NID2: variants seen among roughly 807,000 people sequenced by gnomAD.
NID2 encodes nidogen-2.
A neutral mutation model predicts 145.4 loss-of-function variants in NID2; 83 were observed. That is an observed-to-expected ratio of 0.57 (90% confidence interval 0.48 to 0.69). The LOEUF (loss-of-function observed/expected upper bound fraction) is 0.69, where lower values mean the gene tolerates loss of function less well. Ranked by LOEUF, NID2 falls within the 30% of genes least tolerant of loss-of-function variation. NID2 has a pLI of 0.00. For missense variants in NID2, 1,807 were observed against 1,765.7 expected (o/e 1.02, Z -0.42); for synonymous variants, 739 against 701.3 (o/e 1.05, Z -0.85).
Position 52,054,264 on chromosome 14 carries a change from C to G in NID2, c.825G>C (p.Pro275=). 6.2e-7 allele frequency: 1 copy of G among 1,614,124 alleles called. No individual in the cohort carries two copies. Among genetic ancestry groups the G allele is most frequent in the Non-Finnish European group, 8.5e-7 (1 of 1,180,010 alleles). Residue 275 remains proline, a synonymous_variant, in exon 4 of 22, where the codon CCG becomes CCC. Coordinates refer to ENST00000216286, the MANE Select transcript of NID2 (RefSeq NM_007361.4). The part of the protein sequence containing the change: ...VWAFHIGSTS[P]LDNVRPAAVG... ...CTGCAGCTGGCCTGACATTGTCCAA[C>G]GGGGAAGTGCTGCCGATATGGAAAG... is the stretch of plus-strand genomic sequence containing the variant.
At position 52,037,190 on chromosome 14, in the gene NID2, A is replaced by G. The variant is rs576478919; in HGVS notation, c.2257+1557T>C. Among the ~76,000 whole-genome samples the G allele has an allele frequency of 3.0e-4, 46 of 152,322 alleles. 1 individual carries two copies. Among genetic ancestry groups the G allele is most frequent in the African/African-American group, 1.0e-3 (42 of 41,572 alleles). ...TTCATTCTTTTGTATGTGGTCACTC[A>G]GTGGTCCCAGCACCATAGTTAACAA... On this transcript the variant is annotated intron_variant, in intron 9 of 21. Transcript: ENST00000216286.
chr14:52,012,499 G>A (rs528072872), intron 16 of NID2, among the ~76,000 whole-genome samples: 8 of 152,164 alleles, frequency 5.3e-5, no homozygotes, highest in South Asian at 4.1e-4. Context: ...TCAGGAGACC[G>A]AGTTGGGAGG....
chr14:52,031,168 T>C lies in NID2; in HGVS notation c.2258-1478A>G, dbSNP rs116007051. On this transcript the variant is annotated intron_variant, in intron 9 of 21. Coordinates refer to ENST00000216286, the MANE Select transcript of NID2 (RefSeq NM_007361.4). Reference sequence around the variant, plus strand: ...AGTCTAAGCCAATGGCACAGAGGTATTGGAAGGAGTGTCAGATGCTCAGGT... The same window carrying C: ...AGTCTAAGCCAATGGCACAGAGGTACTGGAAGGAGTGTCAGATGCTCAGGT... 8.8e-3 allele frequency among the ~76,000 whole-genome samples: 1,342 copies of C among 152,284 alleles called. 18 individuals are homozygous for C. Among genetic ancestry groups the C allele is most frequent in the African/African-American group, 0.031 (1,284 of 41,564 alleles).
chr14:52,028,905 G>C, intron 10 of NID2, 55 bp from the exon 11 acceptor site: 1 of 1,590,040 alleles, frequency 6.3e-7, no homozygotes, highest in Admixed American at 1.7e-5. Flanking sequence ...CCCAGAAGTG[G>C]AGGGTCTAAA....
chr14:52,023,680 A>G lies in NID2; in HGVS notation c.2675-3502T>C, dbSNP rs1362405805. 2.0e-5 allele frequency among the ~76,000 whole-genome samples: 3 copies of G among 152,040 alleles called. No homozygotes were observed. In the East Asian group the frequency reaches 5.8e-4, roughly 29 times the overall value. On this transcript the variant is annotated intron_variant, in intron 12 of 21. Transcript: ENST00000216286. Reference sequence around the variant, plus strand: ...GCACCTGGCCAAGTCACAACAATCCAAAAGGACAAACATGTCTGAGAAATA... The same window carrying G: ...GCACCTGGCCAAGTCACAACAATCCGAAAGGACAAACATGTCTGAGAAATA...
intron 8 of NID2, among the ~76,000 whole-genome samples, chr14:52,039,982 C>T (rs1411493872): frequency 1.3e-5 from 2 of 152,042 alleles, no homozygotes; most frequent in South Asian, 2.1e-4. Flanking sequence ...GCTTTGTCGC[C>T]CAGGCTGGAG....
At position 52,011,626 on chromosome 14, in the gene NID2, C is replaced by A. The variant is rs1372268539; in HGVS notation, c.3478G>T (p.Asp1160Tyr). The change falls in exon 17 of 22, where the codon GAT (aspartate) becomes TAT (tyrosine). Residue 1160 changes from aspartate (D) to tyrosine (Y), a missense_variant. By Grantham distance (160) the Asp-to-Tyr change is radical. Coordinates refer to ENST00000216286, the MANE Select transcript of NID2 (RefSeq NM_007361.4). Reference sequence around the variant, plus strand: ...CGGCTGATTGTCCGTCCAGCAACATCTGTCCAGTACACCATCCTCTCCCGG... The same window carrying A: ...CGGCTGATTGTCCGTCCAGCAACATATGTCCAGTACACCATCCTCTCCCGG... ...DCRERMVYWT[D>Y]VAGRTISRAG... The A allele has an allele frequency of 6.2e-7, 1 of 1,614,260 alleles. No individual in the cohort carries two copies. Among genetic ancestry groups the A allele is most frequent in the South Asian group, 1.1e-5 (1 of 91,084 alleles).
chr14:52,054,417 G>C, intron 3 of NID2, 96 bp from the exon 4 acceptor site: 2 of 1,256,202 alleles, frequency 1.6e-6, no homozygotes, highest in Non-Finnish European at 2.2e-6. Flanking sequence ...AAAACGGAAA[G>C]ACAGCTGGGC....
At chr14:52,017,839 A>G (rs944169910) in intron 14 of NID2, among the ~76,000 whole-genome samples, 2 of 152,016 alleles carry the variant, frequency 1.3e-5, no homozygotes, top group Non-Finnish European at 2.9e-5. Flanking sequence ...AAAACAAAAA[A>G]AACAGAGTCT....
rs558811447 is a variant in NID2 at position 52,013,927 on chromosome 14, A to C, written c.3420+360T>G. Among the ~76,000 whole-genome samples the C allele has an allele frequency of 2.0e-5, 3 of 152,366 alleles. No individual in the cohort carries two copies. In the East Asian group the frequency reaches 5.8e-4, roughly 29 times the overall value. ...TAGTTGTCCTGTCACTTTGATTTCC[A>C]GGATTTCCATGGAGATGTTATGACA... is the stretch of plus-strand genomic sequence containing the variant. On this transcript the variant is annotated intron_variant, in intron 16 of 21. Transcript: ENST00000216286.
intron 16 of NID2, chr14:52,011,965 A>G (rs1311738677): frequency 1.2e-5 from 4 of 328,428 alleles, no homozygotes; most frequent in South Asian, 4.6e-5. Flanking sequence ...AATTAATACT[A>G]TAAGTGCTTG....
chr14:52,024,083 A>G (rs1023460976), intron 12 of NID2, among the ~76,000 whole-genome samples: 2 of 152,218 alleles, frequency 1.3e-5, no homozygotes, highest in African/African-American at 2.4e-5. Context: ...AGCCTGATTT[A>G]TGCATGGGTC....
At chr14:52,055,563 G>A (rs553206387) in intron 3 of NID2, among the ~76,000 whole-genome samples, 4 of 152,298 alleles carry the variant, frequency 2.6e-5, no homozygotes, top group African/African-American at 9.6e-5. Flanking sequence ...GAACTCCATT[G>A]AGTTTCCAAA....
chr14:52,012,516 T>G (rs1296376494), intron 16 of NID2, among the ~76,000 whole-genome samples: 1 of 152,126 alleles, frequency 6.6e-6, no homozygotes, highest in Non-Finnish European at 1.5e-5. Context: ...GAGGATCGCT[T>G]GAGCCCAGGA....
chr14:52,050,820 G>A (rs150664089), intron 5 of NID2, among the ~76,000 whole-genome samples: 5 of 152,298 alleles, frequency 3.3e-5, no homozygotes, highest in African/African-American at 1.2e-4. Context: ...TGTTGCCCAG[G>A]CTGGTCTCGA....
chr14:52,067,957 C>A lies in NID2; in HGVS notation c.435G>T (p.Pro145=). ...LAARYVRAGF[P]RSARFTPTHA... is the part of the protein sequence containing the mutation. ...GGGTGGGGGTAAAGCGCGCAGAGCG[C>A]GGGAAGCCAGCGCGCACATAGCGGG... The change falls in exon 2 of 22, where the codon CCG becomes CCT. Residue 145 remains proline, a synonymous_variant. Transcript: ENST00000216286. The A allele has an allele frequency of 6.2e-7, 1 of 1,611,320 alleles. No homozygotes were observed.
At chr14:52,038,595 C>A (rs889135874) in intron 9 of NID2, 152 bp downstream of exon 9, 104 of 533,342 alleles carry the variant, frequency 1.9e-4, no homozygotes, top group African/African-American at 1.8e-3. Context: ...GCCTCTGTTT[C>A]CAACTCAAGG....
At chr14:52,005,958 T>C in intron 20 of NID2, 109 bp from the exon 21 acceptor site, 1 of 754,836 alleles carries the variant, frequency 1.3e-6, no homozygotes, top group Non-Finnish European at 2.3e-6. Flanking sequence ...GGCAGCCTTC[T>C]CTGTCCCAGG....
In NID2 at chr14:52,054,271, G is replaced by A. The variant is rs1308306883; in HGVS notation, c.818C>T (p.Thr273Ile). The stretch of plus-strand genomic sequence containing the variant: ...TGGCCTGACATTGTCCAACGGGGAA[G>A]TGCTGCCGATATGGAAAGCCCACAC... ...PGVWAFHIGS[T>I]SPLDNVRPAA... is the part of the protein sequence containing the mutation. The change falls in exon 4 of 22, where the codon ACT (threonine) becomes ATT (isoleucine). Residue 273 changes from threonine (T) to isoleucine (I), a missense_variant. Physicochemically the swap from Thr to Ile is moderately conservative, Grantham distance 89 (BLOSUM62 -1). Coordinates refer to ENST00000216286, the MANE Select transcript of NID2 (RefSeq NM_007361.4). The A allele has an allele frequency of 3.1e-6, 5 of 1,614,190 alleles. No individual in the cohort carries two copies. Among genetic ancestry groups the A allele is most frequent in the Non-Finnish European group, 4.2e-6 (5 of 1,180,026 alleles).
Sources: gnomAD v4.1 joint callset for allele counts (sites outside exome capture counted in the v4.1 genomes callset) on GRCh38, gnomAD v4.1.1 for gene constraint, MANE v1.5 for transcripts, NCBI Gene and HGNC (gene_info 2026-07-23, HGNC 2026-07-21) for gene names.